Variants in CORIN observed in about 807,000 individuals in gnomAD.
The protein encoded by CORIN is atrial natriuretic peptide-converting enzyme.
Under a neutral mutation model 125.3 loss-of-function variants are expected in CORIN, and 117 were observed. That is an observed-to-expected ratio of 0.93 (90% CI 0.80 to 1.09). The LOEUF is 1.09. CORIN is among the 50% of genes least tolerant of loss of function. CORIN has a pLI of 0.00. For synonymous variants in CORIN, 450 were observed against 466.4 expected (o/e 0.96, Z 0.45); for missense variants, 1,253 against 1,306.7 (o/e 0.96, Z 0.63).
At chr4:47,701,796 A>G (rs765260273) in intron 5 of CORIN, among the ~76,000 whole-genome samples, 14 of 128,132 alleles carry the variant, frequency 1.1e-4, no homozygotes, top group Non-Finnish European at 2.1e-4. Flanking sequence ...TTACATTTCA[A>G]TTTTGGAAGG....
chr4:47,679,249 G>A (rs1393863122), intron 8 of CORIN, among the ~76,000 whole-genome samples: 1 of 152,104 alleles, frequency 6.6e-6, no homozygotes, highest in Non-Finnish European at 1.5e-5. Flanking sequence ...TATTTTCCAG[G>A]GGGAAAAAGT....
At chr4:47,835,616 T>G (rs1246886594) in intron 1 of CORIN, among the ~76,000 whole-genome samples, 1 of 152,194 alleles carries the variant, frequency 6.6e-6, no homozygotes, top group Non-Finnish European at 1.5e-5. Flanking sequence ...TCTAACTTCC[T>G]GTCTGCCCCC....
intron 5 of CORIN, among the ~76,000 whole-genome samples, chr4:47,725,924 C>A (rs879784165): frequency 7.2e-5 from 11 of 152,070 alleles, no homozygotes; most frequent in African/African-American, 2.4e-4. Flanking sequence ...TCAAACAACC[C>A]CCCACTCCTG....
chr4:47,598,271 G>C (rs902927089), intron 21 of CORIN, among the ~76,000 whole-genome samples: 1 of 152,086 alleles, frequency 6.6e-6, no homozygotes, highest in Non-Finnish European at 1.5e-5. Context: ...TCATATAATA[G>C]AGGTCTAAGT....
chr4:47,838,005 C>T lies in CORIN; in HGVS notation c.-56G>A. 2 of 1,601,888 alleles carry T rather than the reference C, an allele frequency of 1.2e-6. No individual in the cohort carries two copies. Among genetic ancestry groups the T allele is most frequent in the Non-Finnish European group, 1.7e-6 (2 of 1,179,020 alleles). On this transcript the variant is annotated 5_prime_UTR_variant, in exon 1 of 22. Coordinates refer to ENST00000273857, the MANE Select transcript of CORIN (RefSeq NM_006587.4). ...ACTTTTATCTTGGTCGCTTTTCTCT[C>T]CTCTACGTGTCCCCCGGGGAGGCAC...
At chr4:47,785,398 C>G (rs750666908) in intron 3 of CORIN, among the ~76,000 whole-genome samples, 1 of 152,216 alleles carries the variant, frequency 6.6e-6, no homozygotes, top group Non-Finnish European at 1.5e-5. Context: ...CAACTCACCA[C>G]GCCCCATGTC....
intron 9 of CORIN, among the ~76,000 whole-genome samples, chr4:47,677,188 GA>G (rs1725061076): frequency 6.6e-6 from 1 of 152,142 alleles, no homozygotes; most frequent in Non-Finnish European, 1.5e-5. Context: ...TCACTATTCT[GA>G]GTGTACAGAC....
intron 16 of CORIN, among the ~76,000 whole-genome samples, chr4:47,636,262 T>C (rs1325347758): frequency 1.3e-5 from 2 of 152,216 alleles, no homozygotes; most frequent in Admixed American, 1.3e-4. Flanking sequence ...TTCCCGATTA[T>C]CTAACTTTAG....
chr4:47,605,589 C>T (rs976381311), intron 19 of CORIN, among the ~76,000 whole-genome samples: 2 of 152,110 alleles, frequency 1.3e-5, no homozygotes, highest in Non-Finnish European at 2.9e-5. Context: ...GCCACACTAC[C>T]ACTGTTCCTG....
intron 1 of CORIN, 90 bp from the exon 2 acceptor site, chr4:47,807,137 C>T (rs1731832461): frequency 2.0e-6 from 2 of 980,822 alleles, no homozygotes; most frequent in Non-Finnish European, 3.0e-6. Flanking sequence ...TAGAACAGCA[C>T]ATTCCAAAAA....
intron 16 of CORIN, among the ~76,000 whole-genome samples, chr4:47,635,274 A>G (rs35932402): frequency 0.26 from 39,757 of 151,952 alleles, 5,430 homozygotes; most frequent in Admixed American, 0.36. Flanking sequence ...CTCTCTGAGG[A>G]GCTATTATTT....
chr4:47,606,782 C>G (rs1721667772), intron 19 of CORIN, among the ~76,000 whole-genome samples: 1 of 150,280 alleles, frequency 6.7e-6, no homozygotes, highest in Non-Finnish European at 1.5e-5. Flanking sequence ...TCTTCTTTCT[C>G]TCGTTCCTTC....
intron 19 of CORIN, among the ~76,000 whole-genome samples, chr4:47,616,016 G>A (rs1053539838): frequency 2.6e-5 from 4 of 152,148 alleles, no homozygotes; most frequent in Non-Finnish European, 5.9e-5. Context: ...TACTGAGATG[G>A]GGGAAGTTTG....
intron 5 of CORIN, among the ~76,000 whole-genome samples, chr4:47,718,652 T>C (rs1662261077): frequency 6.6e-6 from 1 of 152,236 alleles, no homozygotes; most frequent in Non-Finnish European, 1.5e-5. Context: ...TTTTCTATCT[T>C]CCTATCAAAT....
chr4:47,610,304 G>C (rs1721821778), intron 19 of CORIN, among the ~76,000 whole-genome samples: 2 of 152,148 alleles, frequency 1.3e-5, no homozygotes, highest in Admixed American at 6.5e-5. Context: ...ATTCTGACTG[G>C]TGTGAAATGG....
chr4:47,832,445 CTTTTTTT>C (rs1211972356), intron 1 of CORIN, among the ~76,000 whole-genome samples: 1 of 76,922 alleles, frequency 1.3e-5, no homozygotes, highest in Non-Finnish European at 2.9e-5. Context: ...CTTTTCTTTT[CTTTTTTT>C]TTTTTTTTTT....
intron 12 of CORIN, among the ~76,000 whole-genome samples, chr4:47,655,969 A>G (rs1723956603): frequency 6.6e-6 from 1 of 152,080 alleles, no homozygotes; most frequent in Non-Finnish European, 1.5e-5. Context: ...AGGAAGGAAT[A>G]CATCCAAATT....
At chr4:47,803,024 C>A (rs1428046143) in intron 2 of CORIN, among the ~76,000 whole-genome samples, 1 of 152,194 alleles carries the variant, frequency 6.6e-6, no homozygotes, top group Non-Finnish European at 1.5e-5. Context: ...AAGGCAGTAC[C>A]TTTCTCTAGA....
chr4:47,816,863 C>T lies in CORIN; in HGVS notation c.64-9816G>A, dbSNP rs553537302. On this transcript the variant is annotated intron_variant, in intron 1 of 21. Transcript: ENST00000273857. Reference sequence around the variant, plus strand: ...ACACACGTGCACACACACACACACACTCACACACTCATTGTGACCAACAAA... The same window carrying T: ...ACACACGTGCACACACACACACACATTCACACACTCATTGTGACCAACAAA... Among the ~76,000 whole-genome samples, 406 of 152,014 alleles carry T rather than the reference C, an allele frequency of 2.7e-3. 2 individuals carry two copies. Among genetic ancestry groups the T allele is most frequent in the African/African-American group, 9.1e-3 (377 of 41,414 alleles).
Sources: gnomAD v4.1 joint callset for allele counts (sites outside exome capture counted in the v4.1 genomes callset) on GRCh38, gnomAD v4.1.1 for gene constraint, MANE v1.5 for transcripts, NCBI Gene and HGNC (gene_info 2026-07-23, HGNC 2026-07-21) for gene names.